Variants in KCNN3 observed in about 807,000 individuals in gnomAD.
The protein encoded by KCNN3 is potassium calcium-activated channel subfamily N member 3.
KCNN3 carries 16 observed loss-of-function variants against 62.9 expected under a neutral mutation model. That is an observed-to-expected ratio of 0.25 (90% CI 0.17 to 0.39). The LOEUF is 0.39. Among genes scored for constraint, KCNN3 ranks in the 10% least tolerant of loss-of-function variants. The probability of loss-of-function intolerance (pLI) is 1.00; values close to 1 mark genes in which losing one functional copy is unlikely to be tolerated. For missense variants in KCNN3, 599 were observed against 949.4 expected (o/e 0.63, Z 4.85); for synonymous variants, 370 against 389.2 (o/e 0.95, Z 0.58).
chr1:154,857,364 G>A (rs921758906), intron 1 of KCNN3, among the ~76,000 whole-genome samples: 3 of 152,186 alleles, frequency 2.0e-5, no homozygotes, highest in African/African-American at 7.2e-5. Context: ...CAGCCCCAGA[G>A]CCCAGCACGG....
In KCNN3 at chr1:154,809,170, C is replaced by T. The variant is rs909646486; in HGVS notation, c.1029+12919G>A. Reference sequence around the variant, plus strand: ...CTCCTGTGACACAACGTGATCTCACCGAGTGACCAGGTGTACGGCTTCACC... The same window carrying T: ...CTCCTGTGACACAACGTGATCTCACTGAGTGACCAGGTGTACGGCTTCACC... On this transcript the variant is annotated intron_variant, in intron 2 of 7. Transcript: ENST00000271915. This position sits in a 1 kb window ranked among gnomAD's most constrained non-coding sequence, Gnocchi z 4.3. Among the ~76,000 whole-genome samples, 1 of 152,176 alleles carries T rather than the reference C, an allele frequency of 6.6e-6. No individual in the cohort carries two copies.
At chr1:154,720,799 T>G (rs925959651) in intron 5 of KCNN3, among the ~76,000 whole-genome samples, 1 of 152,188 alleles carries the variant, frequency 6.6e-6, no homozygotes, top group African/African-American at 2.4e-5. Flanking sequence ...GGAGAGCAGG[T>G]AGCAGGCTGC....
In KCNN3 at chr1:154,869,850, GC is replaced by G. The variant is rs749969403; in HGVS notation, c.114del (p.Gln38HisfsTer138). On this transcript the variant is annotated frameshift_variant, in exon 1 of 8. Transcript: ENST00000271915. LOFTEE classifies it high-confidence loss of function. This position sits in a 1 kb window ranked among gnomAD's most constrained non-coding sequence, Gnocchi z 6.1. ...DEQQQQQQQQ[Q>X]QQQPPPPAPP... ...GGCGCTGGCGGTGGTGGCTGCTGCT[GC>G]TGTTGCTGCTGCTGCTGCTGCTGCT... The G allele has an allele frequency of 6.3e-7, 1 of 1,581,998 alleles. No individual in the cohort carries two copies. The highest frequency in any genetic ancestry group is 1.8e-5 in the Admixed American group (1 of 56,100).
chr1:154,867,661 A>G (rs1465154117), intron 1 of KCNN3, among the ~76,000 whole-genome samples: 1 of 151,896 alleles, frequency 6.6e-6, no homozygotes, highest in Non-Finnish European at 1.5e-5. Context: ...AACAAGCTCT[A>G]TTTGAAACCT....
chr1:154,814,474 A>T (rs1481365096), intron 2 of KCNN3, among the ~76,000 whole-genome samples: 1 of 152,156 alleles, frequency 6.6e-6, no homozygotes, highest in African/African-American at 2.4e-5. Flanking sequence ...CTGCTATAAG[A>T]GCTGGTGCTA....
At chr1:154,764,241 A>G (rs1221513167) in intron 3 of KCNN3, among the ~76,000 whole-genome samples, 2 of 152,198 alleles carry the variant, frequency 1.3e-5, no homozygotes, top group Non-Finnish European at 2.9e-5. Flanking sequence ...CATACTTTGT[A>G]TTGAAATTCT....
At chr1:154,837,659 A>G (rs1336821765) in intron 1 of KCNN3, among the ~76,000 whole-genome samples, 1 of 152,192 alleles carries the variant, frequency 6.6e-6, no homozygotes, top group Non-Finnish European at 1.5e-5. Flanking sequence ...CCTGGGCAGG[A>G]AGAGCCAGTC....
At chr1:154,829,317 C>T (rs145430300) in intron 1 of KCNN3, among the ~76,000 whole-genome samples, 13 of 152,368 alleles carry the variant, frequency 8.5e-5, no homozygotes, top group African/African-American at 3.1e-4. Flanking sequence ...GTGACCAGCT[C>T]TCTCCACGGC....
At chr1:154,736,904 G>A (rs975868181) in intron 3 of KCNN3, 1 of 647,708 alleles carries the variant, frequency 1.5e-6, no homozygotes, top group African/African-American at 1.8e-5. Context: ...GATCTTGAGA[G>A]TGTCCTTCGT....
In KCNN3 at chr1:154,697,717, C is replaced by T. The variant is rs934841760; in HGVS notation, c.*10259G>A. The T allele has an allele frequency of 2.6e-5, 4 of 152,252 alleles. No homozygotes were observed. Among genetic ancestry groups the T allele is most frequent in the African/African-American group, 9.7e-5 (4 of 41,438 alleles). The allele number at this position is 152,252 out of a possible 1,614,324, so 9.4% of individuals were successfully genotyped here. On this transcript the variant is annotated 3_prime_UTR_variant, in exon 8 of 8. Transcript: ENST00000271915. Reference sequence around the variant, plus strand: ...CATTCCAGATGCCCTAAGCCTGGGTCTGGACACATGTGGTCAATACACATC... The same window carrying T: ...CATTCCAGATGCCCTAAGCCTGGGTTTGGACACATGTGGTCAATACACATC...
At chr1:154,788,286 G>A (rs1042781963) in intron 2 of KCNN3, among the ~76,000 whole-genome samples, 8 of 152,156 alleles carry the variant, frequency 5.3e-5, no homozygotes, top group African/African-American at 1.7e-4. Flanking sequence ...GCTCTGAGGC[G>A]CCTTCTGCCG....
intron 7 of KCNN3, among the ~76,000 whole-genome samples, chr1:154,709,563 G>C (rs1244962387): frequency 6.6e-6 from 1 of 152,096 alleles, no homozygotes; most frequent in East Asian, 1.9e-4. Context: ...GGGGAGCAGG[G>C]GCACAAAATG....
At chr1:154,861,325 C>T (rs1652762722) in intron 1 of KCNN3, among the ~76,000 whole-genome samples, 1 of 152,106 alleles carries the variant, frequency 6.6e-6, no homozygotes, top group South Asian at 2.1e-4. Context: ...CCTGAGTGTG[C>T]AGAACTCTGC....
chr1:154,816,503 A>T (rs1412552345), intron 2 of KCNN3, among the ~76,000 whole-genome samples: 4 of 152,082 alleles, frequency 2.6e-5, no homozygotes, highest in African/African-American at 9.7e-5. Flanking sequence ...GGATGTAGGG[A>T]CGGCACCTCC....
rs77803183 is a variant in KCNN3, at chr1:154,831,421, G to A, written c.934-9237C>T. 3.2e-3 allele frequency among the ~76,000 whole-genome samples: 482 copies of A among 152,274 alleles called. 3 individuals carry two copies. Among genetic ancestry groups the A allele is most frequent in the African/African-American group, 0.011 (456 of 41,552 alleles). On this transcript the variant is annotated intron_variant, in intron 1 of 7. Transcript: ENST00000271915. ...CTGAGGGGCTTGGCACCACCCCAGA[G>A]CAATTAAATTGGAATCTCTGCAAGT... is the stretch of plus-strand genomic sequence containing the variant.
intron 2 of KCNN3, among the ~76,000 whole-genome samples, chr1:154,788,666 C>G (rs556714804): frequency 1.2e-3 from 182 of 152,236 alleles, no homozygotes; most frequent in Admixed American, 2.0e-3. Context: ...GAGCACAGCC[C>G]ACGCCGCCAA....
intron 1 of KCNN3, among the ~76,000 whole-genome samples, chr1:154,835,378 G>A (rs1651546305): frequency 6.6e-6 from 1 of 152,142 alleles, no homozygotes; most frequent in South Asian, 2.1e-4. Flanking sequence ...GCTGCCAAAG[G>A]GTCTGAGAGA....
chr1:154,803,782 G>A (rs760898604), intron 2 of KCNN3, among the ~76,000 whole-genome samples: 3 of 152,210 alleles, frequency 2.0e-5, no homozygotes, highest in Non-Finnish European at 4.4e-5. Context: ...ATCTGAGCGA[G>A]AGATGTGTGA....
intron 3 of KCNN3, among the ~76,000 whole-genome samples, chr1:154,735,157 G>A (rs1036970113): frequency 6.6e-6 from 1 of 152,194 alleles, no homozygotes; most frequent in Admixed American, 6.5e-5. Flanking sequence ...GGCGAGCAGG[G>A]TATCTGAAGA....
Sources: gnomAD v4.1 joint callset for allele counts (sites outside exome capture counted in the v4.1 genomes callset) on GRCh38, gnomAD v4.1.1 for gene constraint, Gnocchi (gnomAD v3.1) non-coding constraint, MANE v1.5 for transcripts, NCBI Gene and HGNC (gene_info 2026-07-23, HGNC 2026-07-21) for gene names.